Variants in SEMA5A observed in about 807,000 individuals in gnomAD.
SEMA5A encodes the protein semaphorin-5A.
In SEMA5A, 55 loss-of-function variants were observed where a neutral mutation model predicts 135.5. The observed-to-expected ratio is 0.41, with a 90% CI of 0.33 to 0.51. The LOEUF (loss-of-function observed/expected upper bound fraction) is 0.51. Among genes scored for constraint, SEMA5A ranks in the 20% least tolerant of loss-of-function variants. The pLI is 0.37. For missense variants in SEMA5A, 1,290 were observed against 1,419.9 expected (o/e 0.91, Z 1.47); for synonymous variants, 580 against 546.5 (o/e 1.06, Z -0.85).
chr5:9,476,008 A>G (rs902706043), intron 1 of SEMA5A, among the ~76,000 whole-genome samples: 8 of 152,228 alleles, frequency 5.3e-5, no homozygotes, highest in African/African-American at 1.9e-4. Flanking sequence ...ATACCTATGC[A>G]AGGAGATATT....
intron 21 of SEMA5A, among the ~76,000 whole-genome samples, chr5:9,049,767 G>A (rs1365842303): frequency 6.6e-6 from 1 of 152,182 alleles, no homozygotes; most frequent in East Asian, 1.9e-4. Context: ...TCACAACACA[G>A]ACAAGTACTT....
intron 5 of SEMA5A, 127 bp from the exon 6 acceptor site, chr5:9,238,017 A>G: frequency 1.3e-6 from 1 of 753,982 alleles, no homozygotes; most frequent in Non-Finnish European, 2.2e-6. Context: ...CAACATTTTC[A>G]TACTCATAGA....
Position 9,242,830 on chromosome 5 carries a change from C to A in SEMA5A, c.271-4940G>T, listed in dbSNP as rs73046684. ...AAATTAACTTAAAAAAGACTGGAAT[C>A]GCATTAGAGTCATATCATCCCACTA... is the stretch of plus-strand genomic sequence containing the variant. On this transcript the variant is annotated intron_variant, in intron 5 of 22. Transcript: ENST00000382496. Among the ~76,000 whole-genome samples, 1,504 of 152,190 alleles carry A rather than the reference C, an allele frequency of 9.9e-3. 28 individuals are homozygous for A. Among genetic ancestry groups the A allele is most frequent in the African/African-American group, 0.035 (1,451 of 41,514 alleles).
intron 1 of SEMA5A, among the ~76,000 whole-genome samples, chr5:9,443,421 G>A (rs1758312934): frequency 6.6e-6 from 1 of 152,136 alleles, no homozygotes; most frequent in South Asian, 2.1e-4. Context: ...GGGATAACAG[G>A]ATGTCCTGAA....
intron 2 of SEMA5A, among the ~76,000 whole-genome samples, chr5:9,397,050 CAAAA>C (rs11345966): frequency 7.2e-6 from 1 of 138,802 alleles, no homozygotes. Context: ...ACAAGGAAGA[CAAAA>C]AAAAAAAATA....
At chr5:9,508,850 A>G (rs1426080642) in intron 1 of SEMA5A, among the ~76,000 whole-genome samples, 1 of 152,152 alleles carries the variant, frequency 6.6e-6, no homozygotes, top group Non-Finnish European at 1.5e-5. Flanking sequence ...CCGTCACTGT[A>G]TTCTCAGTAC....
intron 2 of SEMA5A, among the ~76,000 whole-genome samples, chr5:9,400,027 G>A (rs1020768984): frequency 1.3e-5 from 2 of 152,124 alleles, no homozygotes; most frequent in Non-Finnish European, 2.9e-5. Context: ...ATGAAGCTGT[G>A]AACCATCATT....
intron 8 of SEMA5A, among the ~76,000 whole-genome samples, chr5:9,220,926 A>T (rs925606782): frequency 6.6e-6 from 1 of 152,154 alleles, no homozygotes; most frequent in African/African-American, 2.4e-5. Flanking sequence ...TGAAGATGGG[A>T]GTTTAAGACT....
At chr5:9,330,525 G>C (rs1468955896) in intron 4 of SEMA5A, among the ~76,000 whole-genome samples, 1 of 151,864 alleles carries the variant, frequency 6.6e-6, no homozygotes, top group Non-Finnish European at 1.5e-5. Flanking sequence ...CCACCAGTTT[G>C]TTAAAAGCAC....
At chr5:9,419,663 T>C (rs557564153) in intron 2 of SEMA5A, among the ~76,000 whole-genome samples, 69 of 152,284 alleles carry the variant, frequency 4.5e-4, no homozygotes, top group Middle Eastern at 6.8e-3. Flanking sequence ...GGGGGCTTTA[T>C]GTTTCCTAGG....
intron 21 of SEMA5A, among the ~76,000 whole-genome samples, chr5:9,047,655 T>TAAAC (rs1189528207): frequency 1.3e-5 from 2 of 152,098 alleles, no homozygotes; most frequent in Non-Finnish European, 2.9e-5. Flanking sequence ...AATGAAAAAA[T>TAAAC]AAACAAGTGA....
chr5:9,208,106 C>T (rs1445350660), intron 8 of SEMA5A, among the ~76,000 whole-genome samples: 1 of 152,174 alleles, frequency 6.6e-6, no homozygotes, highest in African/African-American at 2.4e-5. Flanking sequence ...ATCCAACATA[C>T]AGTATCATTG....
Position 9,494,692 on chromosome 5 carries a change from C to A in SEMA5A, c.-175+50892G>T, listed in dbSNP as rs190895487. Among the ~76,000 whole-genome samples, 234 of 151,792 alleles carry A rather than the reference C, an allele frequency of 1.5e-3. 1 individual carries two copies. The highest frequency in any genetic ancestry group is 6.0e-3 in the Admixed American group (91 of 15,226). On this transcript the variant is annotated intron_variant, in intron 1 of 22. Coordinates refer to ENST00000382496, the MANE Select transcript of SEMA5A (RefSeq NM_003966.3). ...ATCCTCCTAATTTTTTAATTCTGTG[C>A]AAAATCATTGTTGCCATCTTTTAGA...
chr5:9,459,779 C>G (rs947541605), intron 1 of SEMA5A, among the ~76,000 whole-genome samples: 2 of 152,092 alleles, frequency 1.3e-5, no homozygotes, highest in Non-Finnish European at 2.9e-5. Flanking sequence ...TTGTTAAATA[C>G]AGAGAAAGAT....
At chr5:9,496,350 A>G (rs1047245625) in intron 1 of SEMA5A, among the ~76,000 whole-genome samples, 1 of 152,164 alleles carries the variant, frequency 6.6e-6, no homozygotes, top group Non-Finnish European at 1.5e-5. Context: ...CAGCCTCAAT[A>G]TTTCTTAAGT....
chr5:9,121,506 T>C (rs1249661271), intron 14 of SEMA5A, among the ~76,000 whole-genome samples: 1 of 152,232 alleles, frequency 6.6e-6, no homozygotes, highest in Non-Finnish European at 1.5e-5. Flanking sequence ...TAGCAATTCA[T>C]TTGATAATCT....
chr5:9,436,342 G>C (rs1758030447), intron 2 of SEMA5A, among the ~76,000 whole-genome samples: 1 of 152,220 alleles, frequency 6.6e-6, no homozygotes, highest in African/African-American at 2.4e-5. Context: ...GGAACGGGAG[G>C]TTCCGGTTAA....
At chr5:9,481,596 A>G (rs953913790) in intron 1 of SEMA5A, among the ~76,000 whole-genome samples, 4 of 152,134 alleles carry the variant, frequency 2.6e-5, no homozygotes, top group Non-Finnish European at 5.9e-5. Context: ...TTCCTTGGGT[A>G]TTTATAACCT....
At chr5:9,242,902 T>C (rs1420830964) in intron 5 of SEMA5A, among the ~76,000 whole-genome samples, 1 of 152,188 alleles carries the variant, frequency 6.6e-6, no homozygotes, top group Non-Finnish European at 1.5e-5. Context: ...AGAAGAAATA[T>C]CTTAACTTTA....
Sources: gnomAD v4.1 joint callset for allele counts (sites outside exome capture counted in the v4.1 genomes callset) on GRCh38, gnomAD v4.1.1 for gene constraint, MANE v1.5 for transcripts, NCBI Gene and HGNC (gene_info 2026-07-23, HGNC 2026-07-21) for gene names.